Variants in P2RY8 observed in about 807,000 individuals in gnomAD.
P2RY8 encodes P2Y receptor family member 8, also known as S-geranylgeranyl-glutathione receptor P2RY8.
In P2RY8, 6 loss-of-function variants were observed where a neutral mutation model predicts 10.0. That is an observed-to-expected ratio of 0.60 (90% CI 0.33 to 1.19). The LOEUF is 1.19. Among genes scored for constraint, P2RY8 ranks in the 50% most tolerant of loss-of-function variants. The pLI, the probability that P2RY8 is intolerant of heterozygous loss-of-function variation, is 0.04. For missense variants in P2RY8, 456 were observed against 542.0 expected, an observed-to-expected ratio of 0.84 and a Z score of 1.58; for synonymous variants, 276 against 252.5, an observed-to-expected ratio of 1.09 and a Z score of -0.88.
rs1159260456 is a variant in P2RY8, at chrX:1,471,309, A to ATTTTT, written c.-24-4732_-24-4728dup. ...AGACGTGAGCCACCGCGCCCAGCCC[A>ATTTTT]TTTTTTTTTTTTTTTTTTTTTTGTA... On this transcript the variant is annotated intron_variant, in intron 1 of 1. Transcript: ENST00000381297. Among the ~76,000 whole-genome samples, 108 of 100,038 alleles carry ATTTTT rather than the reference A, an allele frequency of 1.1e-3. 1 individual carries two copies. The highest frequency in any genetic ancestry group is 3.8e-3 in the African/African-American group (98 of 26,026). The allele number at this position is 100,038 out of a possible 152,430, so 65.6% of individuals were successfully genotyped here. A position where few individuals can be genotyped will look rare whatever the true frequency, so the allele number is the denominator to read the frequency against.
chrX:1,505,396 C>G (rs1171661039), intron 1 of P2RY8, among the ~76,000 whole-genome samples: 1 of 152,162 alleles, frequency 6.6e-6, no homozygotes, highest in Non-Finnish European at 1.5e-5. Context: ...ACTGAGTTTC[C>G]TCGTGGCCAG....
rs375532869 is a variant in P2RY8 at position 1,498,274 on chromosome X, C to T, written c.-24-31692G>A. ...ACAAAAAATTAGCCGGGTGTGGTGGCGGGTGCCTGTAGTCCCAGCTACTCG... is the reference window on the plus strand; with the variant it reads ...ACAAAAAATTAGCCGGGTGTGGTGGTGGGTGCCTGTAGTCCCAGCTACTCG... On this transcript the variant is annotated intron_variant, in intron 1 of 1. Coordinates refer to ENST00000381297, the MANE Select transcript of P2RY8 (RefSeq NM_178129.5). Among the ~76,000 whole-genome samples, 94 of 151,336 alleles carry T rather than the reference C, an allele frequency of 6.2e-4. No individual in the cohort carries two copies. The East Asian group carries it at 6.6e-3, about 11-fold the overall frequency.
intron 1 of P2RY8, among the ~76,000 whole-genome samples, chrX:1,486,879 C>T (rs370398861): frequency 4.6e-5 from 7 of 152,228 alleles, no homozygotes; most frequent in East Asian, 1.9e-4. Context: ...AGTGCTCCCC[C>T]GCTTGTTGCT....
chrX:1,464,385 C>G lies in P2RY8; in HGVS notation c.*1094G>C, dbSNP rs1318301993. 12 of 233,634 alleles carry G rather than the reference C, an allele frequency of 5.1e-5. No homozygotes were observed. Among genetic ancestry groups the G allele is most frequent in the African/African-American group, 2.4e-4 (11 of 45,368 alleles). 14.5% of individuals were successfully genotyped at this position (233,634 alleles called of 1,614,324 possible). A position where few individuals can be genotyped will look rare whatever the true frequency, so the allele number is the denominator to read the frequency against. On this transcript the variant is annotated 3_prime_UTR_variant, in exon 2 of 2. Coordinates refer to ENST00000381297, the MANE Select transcript of P2RY8 (RefSeq NM_178129.5). ...AGGGAGGGGGCTCAGCGGCTGACAC[C>G]CCTGTAGGTTCCTGGGGTCCACACC...
chrX:1,533,587 CTTAT>C (rs2092498075), intron 1 of P2RY8, among the ~76,000 whole-genome samples: 1 of 3,338 alleles, frequency 3.0e-4, no homozygotes, highest in Non-Finnish European at 8.4e-4. Context: ...ATATTATATA[CTTAT>C]ATATTTATTA....
intron 1 of P2RY8, among the ~76,000 whole-genome samples, chrX:1,482,631 C>A (rs1440430885): frequency 1.3e-5 from 2 of 152,064 alleles, no homozygotes; most frequent in Non-Finnish European, 2.9e-5. Context: ...AGTATTTAAT[C>A]CATCTTGAAT....
intron 1 of P2RY8, among the ~76,000 whole-genome samples, chrX:1,527,101 G>T (rs1603458640): frequency 6.6e-6 from 1 of 152,066 alleles, no homozygotes; most frequent in Non-Finnish European, 1.5e-5. Flanking sequence ...CACCACGCTG[G>T]CCAGGCTGGT....
intron 1 of P2RY8, among the ~76,000 whole-genome samples, chrX:1,520,840 A>G (rs1477490453): frequency 2.0e-5 from 3 of 151,692 alleles, no homozygotes; most frequent in South Asian, 2.1e-4. Context: ...CTGGTCCCCA[A>G]TAATCTCCAT....
intron 1 of P2RY8, among the ~76,000 whole-genome samples, chrX:1,515,209 C>T (rs2092336764): frequency 6.6e-6 from 1 of 150,524 alleles, no homozygotes; most frequent in Admixed American, 6.6e-5. Context: ...CCGCGCCCAA[C>T]CTGCCTTTTT....
chrX:1,502,222 T>C (rs141903343), intron 1 of P2RY8, among the ~76,000 whole-genome samples: 5,238 of 152,218 alleles, frequency 0.034, 129 homozygotes, highest in African/African-American at 0.072. Flanking sequence ...CATTTTTCTA[T>C]TTGGAAATAA....
intron 1 of P2RY8, among the ~76,000 whole-genome samples, chrX:1,524,684 T>TCCACCCAC (rs2092424707): frequency 8.2e-6 from 1 of 122,502 alleles, no homozygotes; most frequent in Non-Finnish European, 1.8e-5. Context: ...CATCCATCCA[T>TCCACCCAC]CCATCCATCC....
chrX:1,463,270 G>T lies in P2RY8; in HGVS notation c.*2209C>A. 4.3e-6 allele frequency: 1 copy of T among 233,034 alleles called. No homozygotes were observed. Among genetic ancestry groups the T allele is most frequent in the Non-Finnish European group, 8.5e-6 (1 of 117,952 alleles). The allele number at this position is 233,034 out of a possible 1,614,324, so 14.4% of individuals were successfully genotyped here. On this transcript the variant is annotated 3_prime_UTR_variant, in exon 2 of 2. Transcript: ENST00000381297. ...TTCTGTATCAGCTTTGCTTTCTAGG[G>T]TTCAGCTTTGGAACAGTCTAGAGAA...
At chrX:1,493,404 G>A (rs2092078800) in intron 1 of P2RY8, among the ~76,000 whole-genome samples, 1 of 20,554 alleles carries the variant, frequency 4.9e-5, no homozygotes, top group African/African-American at 1.0e-4. Flanking sequence ...AGGGAAGGAG[G>A]AAGGAGGAGG....
intron 1 of P2RY8, among the ~76,000 whole-genome samples, chrX:1,535,640 G>T (rs772425994): frequency 6.6e-6 from 1 of 151,454 alleles, no homozygotes; most frequent in Non-Finnish European, 1.5e-5. Flanking sequence ...GGGCTCTCGC[G>T]CTTCAGACTT....
At chrX:1,524,113 G>T (rs1287330379) in intron 1 of P2RY8, among the ~76,000 whole-genome samples, 1 of 152,070 alleles carries the variant, frequency 6.6e-6, no homozygotes, top group Non-Finnish European at 1.5e-5. Flanking sequence ...CCGTAACCCC[G>T]TTCCTGTTTG....
At chrX:1,518,682 C>T (rs1444251217) in intron 1 of P2RY8, among the ~76,000 whole-genome samples, 1 of 151,704 alleles carries the variant, frequency 6.6e-6, no homozygotes, top group African/African-American at 2.4e-5. Flanking sequence ...TCCCTAAAAT[C>T]TCTCCAGTCC....
At chrX:1,478,272 T>TGTGTGTGTGTGCGC (rs1318193075) in intron 1 of P2RY8, among the ~76,000 whole-genome samples, 2 of 104,014 alleles carry the variant, frequency 1.9e-5, no homozygotes, top group African/African-American at 6.3e-5. Context: ...TGTGTGTGTG[T>TGTGTGTGTGTGCGC]GCCCAGCAGG....
chrX:1,518,223 C>T (rs1324795505), intron 1 of P2RY8, among the ~76,000 whole-genome samples: 3 of 151,516 alleles, frequency 2.0e-5, no homozygotes, highest in Non-Finnish European at 4.4e-5. Flanking sequence ...GTCAGGAGTT[C>T]GAGACCATCC....
At chrX:1,533,823 T>C (rs1434369729) in intron 1 of P2RY8, among the ~76,000 whole-genome samples, 1 of 121,002 alleles carries the variant, frequency 8.3e-6, no homozygotes, top group African/African-American at 3.3e-5. Flanking sequence ...ATTATTTATA[T>C]ATTATATACT....
Sources: gnomAD v4.1 joint callset for allele counts (sites outside exome capture counted in the v4.1 genomes callset) on GRCh38, gnomAD v4.1.1 for gene constraint, MANE v1.5 for transcripts, NCBI Gene and HGNC (gene_info 2026-07-23, HGNC 2026-07-21) for gene names.